TBC1D5: variants seen among roughly 807,000 people sequenced by gnomAD.
TBC1D5 encodes the protein TBC1 domain family member 5.
In TBC1D5, 75 loss-of-function variants were observed where a neutral mutation model predicts 100.3. The ratio of observed to expected loss-of-function variants is 0.75; its 90% CI spans 0.62 to 0.91. The LOEUF (loss-of-function observed/expected upper bound fraction) is 0.91. Among genes scored for constraint, TBC1D5 ranks in the 40% least tolerant of loss-of-function variants. The pLI, the probability that TBC1D5 is intolerant of heterozygous loss-of-function variation, is 0.00. For synonymous variants in TBC1D5, 323 were observed against 325.6 expected (o/e 0.99, Z 0.09); for missense variants, 910 against 942.4 (o/e 0.97, Z 0.45).
intron 15 of TBC1D5, among the ~76,000 whole-genome samples, chr3:17,286,488 T>C (rs969144667): frequency 1.3e-5 from 2 of 152,202 alleles, no homozygotes; most frequent in African/African-American, 4.8e-5. Context: ...CTTCATCTCA[T>C]GGATTGTTTT....
At chr3:17,426,651 G>C (rs2094343364) in intron 4 of TBC1D5, among the ~76,000 whole-genome samples, 1 of 151,800 alleles carries the variant, frequency 6.6e-6, no homozygotes, top group Non-Finnish European at 1.5e-5. Context: ...ATTGTGCAAA[G>C]CTACACTAGG....
chr3:17,291,010 T>TG (rs1430872112), intron 15 of TBC1D5, among the ~76,000 whole-genome samples: 2 of 152,304 alleles, frequency 1.3e-5, no homozygotes, highest in East Asian at 3.9e-4. Flanking sequence ...ACATTAAACT[T>TG]GGAGGCCCAA....
At chr3:17,707,527 T>C (rs2074297707) in intron 1 of TBC1D5, among the ~76,000 whole-genome samples, 1 of 152,128 alleles carries the variant, frequency 6.6e-6, no homozygotes, top group Non-Finnish European at 1.5e-5. Flanking sequence ...ACAAAATCAA[T>C]GGAACAAAAT....
intron 2 of TBC1D5, among the ~76,000 whole-genome samples, chr3:17,569,708 TAGGAAAA>T (rs907228837): frequency 2.6e-5 from 4 of 151,342 alleles, no homozygotes; most frequent in Admixed American, 2.6e-4. Flanking sequence ...TGGTTTTTGT[TAGGAAAA>T]AAGAAAAACA....
intron 1 of TBC1D5, among the ~76,000 whole-genome samples, chr3:17,723,753 T>A (rs1419433425): frequency 1.3e-5 from 2 of 152,186 alleles, no homozygotes; most frequent in African/African-American, 4.8e-5. Flanking sequence ...TCTATTTATG[T>A]GTTAACCAAC....
intron 3 of TBC1D5, among the ~76,000 whole-genome samples, chr3:17,433,629 C>T (rs777440628): frequency 1.3e-4 from 20 of 152,058 alleles, no homozygotes; most frequent in Non-Finnish European, 2.5e-4. Context: ...GGTGGGGGCA[C>T]GGCCCAACCA....
At chr3:17,737,766 TATG>T (rs1164981808) in intron 1 of TBC1D5, among the ~76,000 whole-genome samples, 1 of 151,674 alleles carries the variant, frequency 6.6e-6, no homozygotes, top group African/African-American at 2.4e-5. Context: ...ACAAAAAAAC[TATG>T]ATAACATGTA....
At chr3:17,480,096 C>T (rs995718657) in intron 3 of TBC1D5, among the ~76,000 whole-genome samples, 1 of 152,198 alleles carries the variant, frequency 6.6e-6, no homozygotes, top group African/African-American at 2.4e-5. Flanking sequence ...GGCACTATTA[C>T]GACCCAGCTG....
chr3:17,565,650 T>C (rs1311189081), intron 2 of TBC1D5, among the ~76,000 whole-genome samples: 2 of 152,100 alleles, frequency 1.3e-5, no homozygotes, highest in African/African-American at 4.8e-5. Flanking sequence ...GTATATGATA[T>C]TTCGCATGCT....
At chr3:17,379,946 G>A (rs570541901) in intron 9 of TBC1D5, among the ~76,000 whole-genome samples, 1 of 151,760 alleles carries the variant, frequency 6.6e-6, no homozygotes, top group African/African-American at 2.4e-5. Flanking sequence ...TTGACTGCAG[G>A]TAACTGAAAC....
rs114593179 is a variant in TBC1D5 at position 17,670,460 on chromosome 3, T to G, written c.-100-46547A>C. On this transcript the variant is annotated intron_variant, in intron 1 of 21. Transcript: ENST00000253692. ...TTCTTTCCAATTCTTCTCTGCCTCTTCAAGAACCTCAGCAGCAGACTTCAG... is the reference window on the plus strand; with the variant it reads ...TTCTTTCCAATTCTTCTCTGCCTCTGCAAGAACCTCAGCAGCAGACTTCAG... 9.9e-3 allele frequency among the ~76,000 whole-genome samples: 1,511 copies of G among 152,266 alleles called. 28 individuals carry two copies. Among genetic ancestry groups the G allele is most frequent in the African/African-American group, 0.034 (1,415 of 41,528 alleles).
chr3:17,164,693 AG>A (rs970007421), intron 21 of TBC1D5, among the ~76,000 whole-genome samples: 4 of 152,212 alleles, frequency 2.6e-5, no homozygotes, highest in African/African-American at 9.6e-5. Flanking sequence ...TAGCTCCTGC[AG>A]GAAGAAGGTG....
At chr3:17,430,241 ATAAG>A in intron 3 of TBC1D5, among the ~76,000 whole-genome samples, 1 of 151,782 alleles carries the variant, frequency 6.6e-6, no homozygotes, top group East Asian at 1.9e-4. Context: ...TCAGCATAGA[ATAAG>A]TACTATATTA....
chr3:17,216,815 C>A (rs1264722106), intron 17 of TBC1D5, among the ~76,000 whole-genome samples: 1 of 151,904 alleles, frequency 6.6e-6, no homozygotes, highest in Non-Finnish European at 1.5e-5. Flanking sequence ...TTAAAATTAC[C>A]CCACTTATAT....
At chr3:17,183,468 GATC>G (rs2068676806) in intron 19 of TBC1D5, among the ~76,000 whole-genome samples, 1 of 152,180 alleles carries the variant, frequency 6.6e-6, no homozygotes, top group African/African-American at 2.4e-5. Flanking sequence ...TTTTAAAAAT[GATC>G]ATCAAGCAGC....
intron 17 of TBC1D5, among the ~76,000 whole-genome samples, chr3:17,217,625 TGATG>T (rs1349368861): frequency 4.6e-5 from 7 of 152,148 alleles, no homozygotes; most frequent in Admixed American, 4.6e-4. Flanking sequence ...CAATGGCTCA[TGATG>T]CTTAGCATCT....
intron 2 of TBC1D5, among the ~76,000 whole-genome samples, chr3:17,524,001 T>G (rs1049473635): frequency 1.2e-4 from 18 of 152,250 alleles, no homozygotes; most frequent in African/African-American, 4.1e-4. Flanking sequence ...TCAGAAACAC[T>G]GACAAATACT....
chr3:17,637,215 T>A (rs1206778898), intron 1 of TBC1D5, among the ~76,000 whole-genome samples: 5 of 142,862 alleles, frequency 3.5e-5, no homozygotes, highest in Non-Finnish European at 6.1e-5. Context: ...TTTTTTTTTT[T>A]TTTTATTTAG....
chr3:17,637,591 CTCAGTAGAAAAAAG>C (rs530805706), intron 1 of TBC1D5, among the ~76,000 whole-genome samples: 1 of 151,770 alleles, frequency 6.6e-6, no homozygotes, highest in African/African-American at 2.4e-5. Flanking sequence ...AGATCATCAC[CTCAGTAGAAAAAAG>C]GACAAAAAGT....
Sources: gnomAD v4.1 joint callset for allele counts (sites outside exome capture counted in the v4.1 genomes callset) on GRCh38, gnomAD v4.1.1 for gene constraint, MANE v1.5 for transcripts, NCBI Gene and HGNC (gene_info 2026-07-23, HGNC 2026-07-21) for gene names.